The following LPIN1 variants were observed in gnomAD, a reference collection of about 807,000 sequenced individuals.
LPIN1 encodes lipin 1, also known as phosphatidate phosphatase LPIN1.
In LPIN1, 71 loss-of-function variants were observed where a neutral mutation model predicts 107.5. The ratio of observed to expected loss-of-function variants is 0.66; its 90% confidence interval spans 0.55 to 0.80. The LOEUF is 0.80. LPIN1 is among the 30% of genes least tolerant of loss of function. The probability of loss-of-function intolerance (pLI) is 0.00; values close to 1 mark genes in which losing one functional copy is unlikely to be tolerated. For missense variants in LPIN1, 1,043 were observed against 1,160.6 expected, an observed-to-expected ratio of 0.90 and a Z score of 1.47; for synonymous variants, 445 against 452.6, an observed-to-expected ratio of 0.98 and a Z score of 0.21.
At chr2:11,819,449 C>T in intron 18 of LPIN1, 35 bp from the exon 19 acceptor site, 1 of 1,310,828 alleles carries the variant, frequency 7.6e-7, no homozygotes, top group Non-Finnish European at 1.1e-6. Context: ...GAAGCTTAGC[C>T]TCTCATGTTA....
At chr2:11,711,931 C>T (rs1663438465) in intron 1 of LPIN1, among the ~76,000 whole-genome samples, 1 of 152,222 alleles carries the variant, frequency 6.6e-6, no homozygotes, top group South Asian at 2.1e-4. Flanking sequence ...GTAGCCAAGA[C>T]TCCAGTCCCC....
chr2:11,730,526 C>G lies in LPIN1; in HGVS notation c.-72+5987C>G, dbSNP rs564595891. On this transcript the variant is annotated intron_variant, in intron 1 of 21. Coordinates refer to the LPIN1 transcript ENST00000396097. Reference sequence around the variant, plus strand: ...AGCTGAGACTAGTTAGTATTGCTGTCTCTTGGAAGTGTGTTCTTTTTGCCT... The same window carrying G: ...AGCTGAGACTAGTTAGTATTGCTGTGTCTTGGAAGTGTGTTCTTTTTGCCT... Among the ~76,000 whole-genome samples the G allele has an allele frequency of 2.6e-5, 4 of 152,312 alleles. No individual in the cohort carries two copies. The East Asian group carries it at 7.7e-4, about 29-fold the overall frequency.
intron 17 of LPIN1, among the ~76,000 whole-genome samples, chr2:11,810,157 CT>C (rs1218440336): frequency 6.6e-6 from 1 of 152,148 alleles, no homozygotes; most frequent in Admixed American, 6.5e-5. Flanking sequence ...CTTCAAGAAG[CT>C]TGTGGTCTTG....
intron 1 of LPIN1, among the ~76,000 whole-genome samples, chr2:11,753,905 G>A (rs1161140755): frequency 6.6e-6 from 1 of 152,200 alleles, no homozygotes; most frequent in East Asian, 1.9e-4. Flanking sequence ...CTCCAAGGTG[G>A]ATGTGATCTC....
At chr2:11,713,119 C>A (rs761313641) in intron 1 of LPIN1, among the ~76,000 whole-genome samples, 31 of 152,324 alleles carry the variant, frequency 2.0e-4, no homozygotes, top group Non-Finnish European at 3.2e-4. Flanking sequence ...TTTTCTCATG[C>A]AGCCTGACCT....
intron 1 of LPIN1, chr2:11,724,568 A>G (rs1664408248): frequency 2.0e-6 from 2 of 985,562 alleles, no homozygotes; most frequent in African/African-American, 1.7e-5. Flanking sequence ...CTTTATCTGA[A>G]GTTAATGGAA....
chr2:11,819,805 G>A (rs1368425140), intron 19 of LPIN1, among the ~76,000 whole-genome samples: 1 of 152,182 alleles, frequency 6.6e-6, no homozygotes, highest in East Asian at 1.9e-4. Flanking sequence ...AGGTTGGCGG[G>A]TGGGTCAAAG....
intron 3 of LPIN1, among the ~76,000 whole-genome samples, chr2:11,769,949 C>T (rs1671582712): frequency 6.6e-6 from 1 of 152,192 alleles, no homozygotes. Context: ...CCTGCCCGCC[C>T]AGAATGGTGG....
At chr2:11,716,546 G>C (rs1663753979) in intron 2 of LPIN1, among the ~76,000 whole-genome samples, 1 of 151,856 alleles carries the variant, frequency 6.6e-6, no homozygotes, top group South Asian at 2.1e-4. Flanking sequence ...AGTGTGTCAT[G>C]GTTAGTCTTT....
intron 17 of LPIN1, among the ~76,000 whole-genome samples, chr2:11,808,565 A>G (rs1362138183): frequency 6.6e-6 from 1 of 152,100 alleles, no homozygotes; most frequent in Non-Finnish European, 1.5e-5. Flanking sequence ...GCACTGTAGT[A>G]TTTGTCTAAT....
intron 11 of LPIN1, 73 bp from the exon 12 acceptor site, chr2:11,788,314 C>A: frequency 2.5e-6 from 3 of 1,204,514 alleles, no homozygotes; most frequent in Non-Finnish European, 3.7e-6. Flanking sequence ...TCCTTGACTA[C>A]TTTATATGAC....
chr2:11,712,287 C>T (rs1273531379), intron 1 of LPIN1, among the ~76,000 whole-genome samples: 1 of 152,244 alleles, frequency 6.6e-6, no homozygotes, highest in Non-Finnish European at 1.5e-5. Flanking sequence ...CCTCTCCTCT[C>T]CCAGAGTTCC....
intron 17 of LPIN1, among the ~76,000 whole-genome samples, chr2:11,811,829 A>G (rs1445139942): frequency 6.6e-6 from 1 of 152,164 alleles, no homozygotes; most frequent in African/African-American, 2.4e-5. Flanking sequence ...TACTAAAAAT[A>G]CAAAAATTAG....
rs1064796680 is a variant in LPIN1 at position 11,805,069 on chromosome 2, G to T, written c.2163-1G>T. On this transcript the variant is annotated splice_acceptor_variant, in intron 16 of 20. Transcript: ENST00000674199. LOFTEE classifies it high-confidence loss of function. ...ATTTTTCTCTTTTCCTCTTCATTTAGATCAGATACTCTTGGCCACATTTTG... is the reference window on the plus strand; with the variant it reads ...ATTTTTCTCTTTTCCTCTTCATTTATATCAGATACTCTTGGCCACATTTTG... 2.5e-6 allele frequency: 4 copies of T among 1,595,318 alleles called. No homozygotes were observed. Among genetic ancestry groups the T allele is most frequent in the Non-Finnish European group, 3.4e-6 (4 of 1,163,782 alleles).
chr2:11,773,272 G>T (rs1279870028), intron 4 of LPIN1, among the ~76,000 whole-genome samples: 1 of 152,218 alleles, frequency 6.6e-6, no homozygotes, highest in Non-Finnish European at 1.5e-5. Flanking sequence ...CCTGGGGCCG[G>T]TTTGGGGCCA....
rs150518899 is a variant in LPIN1 at position 11,804,987 on chromosome 2, T to G, written c.2163-83T>G. 5.1e-3 allele frequency: 4,391 copies of G among 857,278 alleles called. 16 individuals carry two copies. The highest frequency in any genetic ancestry group is 7.0e-3 in the Non-Finnish European group (3,739 of 531,322). The allele number at this position is 857,278 out of a possible 1,614,324, so 53.1% of individuals were successfully genotyped here. A position where few individuals can be genotyped will look rare whatever the true frequency, so the allele number is the denominator to read the frequency against. On this transcript the variant is annotated intron_variant, in intron 16 of 20. Coordinates refer to ENST00000674199, the MANE Select transcript of LPIN1 (RefSeq NM_001349206.2). Reference sequence around the variant, plus strand: ...AAGTTGTGGGTCTTGTTTGTGTTTTTTTTTTTTTTTTATGAGGCATGAATG... The same window carrying G: ...AAGTTGTGGGTCTTGTTTGTGTTTTGTTTTTTTTTTTATGAGGCATGAATG...
At chr2:11,704,907 C>T (rs1663050726) in intron 1 of LPIN1, among the ~76,000 whole-genome samples, 2 of 152,226 alleles carry the variant, frequency 1.3e-5, no homozygotes, top group Admixed American at 1.3e-4. Context: ...CATCACTGGT[C>T]AATGGCGAGG....
At chr2:11,808,788 T>C (rs1270046684) in intron 17 of LPIN1, among the ~76,000 whole-genome samples, 1 of 151,568 alleles carries the variant, frequency 6.6e-6, no homozygotes, top group Non-Finnish European at 1.5e-5. Context: ...GCAGAATTGC[T>C]TGAACCCTAG....
rs547406063 is a variant in LPIN1, at chr2:11,769,175, A to C, written c.288+1317A>C. On this transcript the variant is annotated intron_variant, in intron 3 of 20. Transcript: ENST00000674199. ...TGTTACAAAGCAGCTGTTCCATTTT[A>C]TATTCCTGCCAGCAGTGCACAAAGA... 4.6e-5 allele frequency among the ~76,000 whole-genome samples: 7 copies of C among 152,332 alleles called. No homozygotes were observed. The South Asian group carries it at 1.4e-3, about 32-fold the overall frequency.
Sources: gnomAD v4.1 joint callset for allele counts (sites outside exome capture counted in the v4.1 genomes callset) on GRCh38, gnomAD v4.1.1 for gene constraint, MANE v1.5 for transcripts, NCBI Gene and HGNC (gene_info 2026-07-23, HGNC 2026-07-21) for gene names.